ANXA8: variants seen among roughly 807,000 people sequenced by gnomAD.
ANXA8 encodes the protein annexin A8.
Under a neutral mutation model 26.8 loss-of-function variants are expected in ANXA8, and 9 were observed. The observed-to-expected ratio is 0.34, with a 90% confidence interval of 0.20 to 0.59. The LOEUF (loss-of-function observed/expected upper bound fraction) is 0.59, where lower values mean the gene tolerates loss of function less well. ANXA8 is among the 20% of genes least tolerant of loss of function. The pLI is 0.84. For missense variants in ANXA8, 83 were observed against 238.5 expected, an observed-to-expected ratio of 0.35 and a Z score of 4.29; for synonymous variants, 39 against 94.8, an observed-to-expected ratio of 0.41 and a Z score of 3.42.
At chr10:47,691,253 T>C in the ANXA8 span, 1 of 1,288,482 alleles carries the variant, frequency 7.8e-7, no homozygotes, top group Non-Finnish European at 1.1e-6. Flanking sequence ...GGTATAGTGG[T>C]AGCTTATTTT....
chr10:47,487,421 G>A (rs1840067552), upstream of ANXA8: 20 of 1,052,418 alleles, frequency 1.9e-5, no homozygotes, highest in Middle Eastern at 3.3e-4. Flanking sequence ...GTTGGAAAGA[G>A]GAAGAATGTC....
chr10:47,945,224 G>A, the ANXA8 span, among the ~76,000 whole-genome samples: 1 of 149,692 alleles, frequency 6.7e-6, no homozygotes, highest in African/African-American at 2.5e-5. Context: ...CTTCCTCAGG[G>A]GCATCTGCTT....
the ANXA8 span, among the ~76,000 whole-genome samples, chr10:47,493,868 A>T: frequency 7.1e-6 from 1 of 140,340 alleles, no homozygotes; most frequent in Non-Finnish European, 1.5e-5. Context: ...CCAGACACAG[A>T]TCCCAAATGC....
chr10:47,678,724 G>A, the ANXA8 span, among the ~76,000 whole-genome samples: 2 of 151,766 alleles, frequency 1.3e-5, no homozygotes, highest in Non-Finnish European at 2.9e-5. Context: ...AGTGGGGAAA[G>A]GTAGAAGGAA....
At chr10:47,485,229 C>G (rs1223766277), upstream of ANXA8, among the ~76,000 whole-genome samples, 16 of 152,170 alleles carry the variant, frequency 1.1e-4, no homozygotes, top group African/African-American at 3.9e-4. Context: ...TCTAATCTCT[C>G]AGTAATACAA....
the ANXA8 span, among the ~76,000 whole-genome samples, chr10:47,756,552 C>T: frequency 3.5e-5 from 5 of 144,092 alleles, no homozygotes; most frequent in African/African-American, 1.3e-4. Flanking sequence ...CCCAGGCCCC[C>T]TGGGGCCCCT....
chr10:47,952,024 G>A, the ANXA8 span, among the ~76,000 whole-genome samples: 3 of 150,356 alleles, frequency 2.0e-5, no homozygotes, highest in Admixed American at 2.0e-4. Flanking sequence ...CTAGATAGAT[G>A]TTATAAAAGC....
At chr10:47,907,488 C>T in the ANXA8 span, among the ~76,000 whole-genome samples, 1 of 147,488 alleles carries the variant, frequency 6.8e-6, no homozygotes, top group Admixed American at 6.7e-5. Context: ...GAAACAAGGC[C>T]GGGTGCAGTG....
At chr10:47,655,565 T>C in the ANXA8 span, among the ~76,000 whole-genome samples, 2 of 151,424 alleles carry the variant, frequency 1.3e-5, no homozygotes, top group Admixed American at 1.3e-4. Flanking sequence ...TGCTGGGACA[T>C]GAAGTGGTTG....
At chr10:47,767,717 C>T in the ANXA8 span, among the ~76,000 whole-genome samples, 221 of 151,778 alleles carry the variant, frequency 1.5e-3, 4 homozygotes, top group Non-Finnish European at 1.5e-3. Flanking sequence ...CCCCTGCCCC[C>T]GTGAGAGGCT....
the ANXA8 span, among the ~76,000 whole-genome samples, chr10:47,651,398 A>G: frequency 6.6e-6 from 1 of 151,698 alleles, no homozygotes; most frequent in Non-Finnish European, 1.5e-5. Context: ...TACAGATGCT[A>G]TGGGAAACAG....
chr10:47,955,236 G>A, the ANXA8 span, among the ~76,000 whole-genome samples: 1 of 149,560 alleles, frequency 6.7e-6, no homozygotes, highest in Non-Finnish European at 1.5e-5. Flanking sequence ...TGATTGTGAG[G>A]CCTCCCCAGC....
At chr10:47,686,683 G>A in the ANXA8 span, among the ~76,000 whole-genome samples, 1 of 151,942 alleles carries the variant, frequency 6.6e-6, no homozygotes, top group African/African-American at 2.4e-5. Flanking sequence ...TCTGTCTTAA[G>A]TACAAAAGAA....
chr10:47,958,925 T>C, the ANXA8 span, among the ~76,000 whole-genome samples: 2 of 150,146 alleles, frequency 1.3e-5, no homozygotes, highest in East Asian at 4.1e-4. Context: ...CTTTAACACG[T>C]AGGGATTATG....
chr10:47,666,432 G>GTCCTA, the ANXA8 span, among the ~76,000 whole-genome samples: 1 of 151,420 alleles, frequency 6.6e-6, no homozygotes, highest in Admixed American at 6.6e-5. Context: ...CTTTACAACA[G>GTCCTA]TCCTAAGAGA....
At chr10:47,586,636 G>A in the ANXA8 span, among the ~76,000 whole-genome samples, 3 of 145,844 alleles carry the variant, frequency 2.1e-5, no homozygotes, top group Non-Finnish European at 2.9e-5. Flanking sequence ...GGTGCCTTCT[G>A]GCTCCGAGTC....
At chr10:47,660,653 G>A in the ANXA8 span, among the ~76,000 whole-genome samples, 7 of 151,790 alleles carry the variant, frequency 4.6e-5, no homozygotes, top group Non-Finnish European at 7.4e-5. Flanking sequence ...TGCCTGCCTC[G>A]GTCTCCCAAA....
At chr10:47,470,093 G>A (rs1447326815) in intron 11 of ANXA8, among the ~76,000 whole-genome samples, 35 of 151,918 alleles carry the variant, frequency 2.3e-4, no homozygotes, top group South Asian at 6.2e-4. Flanking sequence ...AGAAAGAAAA[G>A]CATTAATTTT....
the ANXA8 span, among the ~76,000 whole-genome samples, chr10:47,744,426 G>GGGGGGATGGGGGAAGGGGGGGTTGGA: frequency 1.2e-5 from 1 of 82,096 alleles, no homozygotes; most frequent in Non-Finnish European, 2.5e-5. Flanking sequence ...GGGGGGTTGG[G>GGGGGGATGGGGGAAGGGGGGGTTGGA]GGGGAGGGGG....
Sources: allele counts gnomAD v4.1 joint callset (sites outside exome capture counted in the v4.1 genomes callset), GRCh38; gene constraint gnomAD v4.1.1; transcripts MANE v1.5; gene names NCBI Gene and HGNC (gene_info 2026-07-23, HGNC 2026-07-21).